Variants in NLRC3 observed in about 807,000 individuals in gnomAD.
NLRC3 encodes NLR family CARD domain-containing protein 3.
Under a neutral mutation model 91.6 loss-of-function variants are expected in NLRC3, and 87 were observed. The observed-to-expected ratio is 0.95, with a 90% CI of 0.80 to 1.14. The LOEUF is 1.14. Ranked by LOEUF, NLRC3 falls within the 50% of genes most tolerant of loss-of-function variation. The pLI is 0.00. For synonymous variants in NLRC3, 694 were observed against 625.3 expected, an observed-to-expected ratio of 1.11 and a Z score of -1.64; for missense variants, 1,577 against 1,418.6, an observed-to-expected ratio of 1.11 and a Z score of -1.79.
chr16:3,539,278 C>G lies in NLRC3; in HGVS notation c.*2547G>C, dbSNP rs1178645106. The G allele has an allele frequency of 6.6e-6, 1 of 152,132 alleles. No individual in the cohort carries two copies. Among genetic ancestry groups the G allele is most frequent in the African/African-American group, 2.4e-5 (1 of 41,410 alleles). 9.4% of individuals were successfully genotyped at this position (152,132 alleles called of 1,614,324 possible). On this transcript the variant is annotated 3_prime_UTR_variant, in exon 20 of 20. Transcript: ENST00000359128. ...TCTCAGGTGCCAGAATTGGGGACTC[C>G]TTTAATTGGAAGGGAGCTAAAGGGT...
chr16:3,575,510 G>A (rs1182806109), intron 1 of NLRC3, among the ~76,000 whole-genome samples: 1 of 152,228 alleles, frequency 6.6e-6, no homozygotes, highest in South Asian at 2.1e-4. Context: ...GAGCTGCTGC[G>A]AGCAGGGCGA....
chr16:3,569,976 A>G (rs2040041236), intron 1 of NLRC3, among the ~76,000 whole-genome samples: 1 of 152,228 alleles, frequency 6.6e-6, no homozygotes, highest in Admixed American at 6.5e-5. Context: ...CTGTATTTCC[A>G]TAATTTATTT....
rs1367645416 is a variant in NLRC3 at position 3,540,232 on chromosome 16, C to T, written c.*1593G>A. 3 of 152,234 alleles carry T rather than the reference C, an allele frequency of 2.0e-5. No homozygotes were observed. Among genetic ancestry groups the T allele is most frequent in the African/African-American group, 7.2e-5 (3 of 41,460 alleles). 9.4% of individuals were successfully genotyped at this position (152,234 alleles called of 1,614,324 possible). On this transcript the variant is annotated 3_prime_UTR_variant, in exon 20 of 20. Coordinates refer to ENST00000359128, the MANE Select transcript of NLRC3 (RefSeq NM_178844.4). ...TCATCTTCCCGAGTAGGCCTTCATC[C>T]ATGGCCTCAGCATCCATGATGGTTC... is the stretch of plus-strand genomic sequence containing the variant.
At position 3,549,229 on chromosome 16, in the gene NLRC3, A is replaced by C; in HGVS notation, c.2520-4T>G. 6.4e-7 allele frequency: 1 copy of C among 1,560,420 alleles called. No individual in the cohort carries two copies. Among genetic ancestry groups the C allele is most frequent in the Non-Finnish European group, 8.7e-7 (1 of 1,148,464 alleles). On this transcript the variant is annotated splice_polypyrimidine_tract_variant and splice_region_variant and intron_variant, in intron 12 of 19. Coordinates refer to ENST00000359128, the MANE Select transcript of NLRC3 (RefSeq NM_178844.4). ...ACTGATGGAGTTTTCTCGAAGGCTGAAAAAAAAGGAAAGACCTGAGCTTCT... is the reference window on the plus strand; with the variant it reads ...ACTGATGGAGTTTTCTCGAAGGCTGCAAAAAAAGGAAAGACCTGAGCTTCT...
intron 1 of NLRC3, among the ~76,000 whole-genome samples, chr16:3,575,743 G>A (rs1402463622): frequency 1.4e-5 from 2 of 144,744 alleles, no homozygotes; most frequent in African/African-American, 5.7e-5. Context: ...CCCATCACCC[G>A]CCCACCTGAT....
At chr16:3,543,177 C>T (rs1028347208) in intron 17 of NLRC3, 2 of 517,610 alleles carry the variant, frequency 3.9e-6, no homozygotes, top group East Asian at 3.5e-5. Flanking sequence ...GATCAGCCCC[C>T]CTGGGACCCA....
intron 6 of NLRC3, among the ~76,000 whole-genome samples, chr16:3,560,939 G>A (rs1191392202): frequency 6.6e-6 from 1 of 151,870 alleles, no homozygotes; most frequent in African/African-American, 2.4e-5. Flanking sequence ...GATTACAGGG[G>A]TGAGCCACCA....
intron 15 of NLRC3, chr16:3,544,704 C>T (rs1336767146): frequency 8.8e-6 from 2 of 227,446 alleles, no homozygotes; most frequent in East Asian, 2.3e-4. Flanking sequence ...CAGGGTCTCA[C>T]TCTGCCACCC....
chr16:3,564,723 T>C lies in NLRC3; in HGVS notation c.214A>G (p.Ser72Gly). 1 of 1,594,044 alleles carries C rather than the reference T, an allele frequency of 6.3e-7. No homozygotes were observed. The change falls in exon 5 of 20, where the codon AGC (serine) becomes GGC (glycine). Residue 72 changes from serine (S) to glycine (G), a missense_variant. By Grantham distance (56) the Ser-to-Gly change is moderately conservative. Coordinates refer to ENST00000359128, the MANE Select transcript of NLRC3 (RefSeq NM_178844.4). The surrounding 1 kb of genome is among the most constrained non-coding windows in gnomAD (Gnocchi z 5.9). ...RIQRHRKALL[S>G]KVGGGPELGG... Reference sequence around the variant, plus strand: ...AGCTCCGGGCCACCTCCCACCTTGCTCAGCAGGGCCTTGCGGTGCCTCTGT... The same window carrying C: ...AGCTCCGGGCCACCTCCCACCTTGCCCAGCAGGGCCTTGCGGTGCCTCTGT...
chr16:3,558,507 G>C (rs1005722841), intron 6 of NLRC3, among the ~76,000 whole-genome samples: 5 of 151,826 alleles, frequency 3.3e-5, no homozygotes, highest in African/African-American at 9.7e-5. Flanking sequence ...GCACACTACT[G>C]ATCCTAGCCT....
rs551066147 is a variant in NLRC3 at position 3,556,313 on chromosome 16, C to T, written c.2183+598G>A. Among the ~76,000 whole-genome samples, 133 of 42,192 alleles carry T rather than the reference C, an allele frequency of 3.2e-3. 1 individual carries two copies. Among genetic ancestry groups the T allele is most frequent in the Non-Finnish European group, 3.4e-3 (81 of 23,670 alleles). 27.7% of individuals were successfully genotyped at this position (42,192 alleles called of 152,430 possible). A position where few individuals can be genotyped will look rare whatever the true frequency, so the allele number is the denominator to read the frequency against. On this transcript the variant is annotated intron_variant, in intron 8 of 19. Coordinates refer to ENST00000359128, the MANE Select transcript of NLRC3 (RefSeq NM_178844.4). ...CAGCCTGGGTGACAAAGAAAGAATC[C>T]GTCTCAAAAAAAAAAAAAAAAAAAA... is the stretch of plus-strand genomic sequence containing the variant.
At chr16:3,557,699 G>A in intron 6 of NLRC3, 23 bp from the exon 7 acceptor site, 1 of 1,562,580 alleles carries the variant, frequency 6.4e-7, no homozygotes, top group Non-Finnish European at 8.8e-7. Context: ...AGGGAGAGGA[G>A]TGGTTATTTT....
intron 8 of NLRC3, among the ~76,000 whole-genome samples, chr16:3,556,255 C>T (rs2039313935): frequency 8.0e-6 from 1 of 125,120 alleles, no homozygotes; most frequent in Non-Finnish European, 1.6e-5. Flanking sequence ...CGCTTAAACC[C>T]AGGAGGCAGA....
intron 12 of NLRC3, 29 bp from the exon 13 acceptor site, chr16:3,549,254 T>C (rs1271670734): frequency 4.6e-6 from 7 of 1,517,680 alleles, no homozygotes; most frequent in Non-Finnish European, 5.4e-6. Flanking sequence ...CCTGAGCTTC[T>C]GACCGGGCAG....
At chr16:3,548,841 C>A (rs2038839246) in intron 13 of NLRC3, 88 bp from the exon 14 acceptor site, 3 of 892,684 alleles carry the variant, frequency 3.4e-6, no homozygotes, top group Non-Finnish European at 3.5e-6. Flanking sequence ...GGGCTTGATA[C>A]CAGATCACCC....
In NLRC3 at chr16:3,542,210, G is replaced by A. The variant is rs1333975186; in HGVS notation, c.3088C>T (p.His1030Tyr). 6.3e-7 allele frequency: 1 copy of A among 1,588,916 alleles called. No individual in the cohort carries two copies. Among genetic ancestry groups the A allele is most frequent in the Non-Finnish European group, 8.6e-7 (1 of 1,166,838 alleles). Residue 1030 changes from histidine to tyrosine, a missense_variant, in exon 19 of 20, where the codon CAC becomes TAC. By Grantham distance (83) the His-to-Tyr change is moderately conservative. Coordinates refer to ENST00000359128, the MANE Select transcript of NLRC3 (RefSeq NM_178844.4). The stretch of plus-strand genomic sequence containing the variant: ...ACTCACTTGATATGCTGGAGCCTGT[G>A]GTTTCCAGACAGTGCTGTGGCAATG... ...ICIATALSGNHRLQHINLQGN... is the reference protein window; with the variant it reads ...ICIATALSGNYRLQHINLQGN...
chr16:3,561,431 G>T (rs1045175723), intron 6 of NLRC3, among the ~76,000 whole-genome samples: 4 of 152,192 alleles, frequency 2.6e-5, no homozygotes, highest in Non-Finnish European at 4.4e-5. Flanking sequence ...CTGGCATTAT[G>T]TCAGCACACG....
In NLRC3 at chr16:3,561,784, C is replaced by T. The variant is rs1259688823; in HGVS notation, c.1933G>A (p.Asp645Asn). 11 of 1,612,792 alleles carry T rather than the reference C, an allele frequency of 6.8e-6. No homozygotes were observed. The highest frequency in any genetic ancestry group is 9.3e-6 in the Non-Finnish European group (11 of 1,179,260). The change falls in exon 6 of 20, where the codon GAC becomes AAC. Residue 645 changes from aspartate (D) to asparagine (N), a missense_variant. By Grantham distance (23) the Asp-to-Asn change is conservative. Transcript: ENST00000359128. The stretch of plus-strand genomic sequence containing the variant: ...ACGGGGTCCTGGAACTGGTTGGTGT[C>T]CAGCCTGGCCAAGGGGAGCAGTGAC... Reference protein sequence around the residue: ...QLLYCRKLRLDTNQFQDPVME... With the variant: ...QLLYCRKLRLNTNQFQDPVME...
intron 15 of NLRC3, among the ~76,000 whole-genome samples, chr16:3,545,997 AG>A (rs1353619740): frequency 6.6e-6 from 1 of 152,204 alleles, no homozygotes; most frequent in East Asian, 1.9e-4. Flanking sequence ...ACAGGGATGG[AG>A]GTGAGTGGTG....
Sources: gnomAD v4.1 joint callset for allele counts (sites outside exome capture counted in the v4.1 genomes callset) on GRCh38, gnomAD v4.1.1 for gene constraint, Gnocchi (gnomAD v3.1) non-coding constraint, MANE v1.5 for transcripts, NCBI Gene and HGNC (gene_info 2026-07-23, HGNC 2026-07-21) for gene names.